Variants in DMD observed in about 807,000 individuals in gnomAD.
DMD encodes the protein dystrophin, also known as mutant dystrophin.
In DMD, 63 loss-of-function variants were observed where a neutral mutation model predicts 330.1. That is an observed-to-expected ratio of 0.19 (90% CI 0.16 to 0.24). The LOEUF (loss-of-function observed/expected upper bound fraction) is 0.24. Among genes scored for constraint, DMD ranks in the 10% least tolerant of loss-of-function variants. The pLI, the probability that DMD is intolerant of heterozygous loss-of-function variation, is 1.00. For missense variants in DMD, 3,344 were observed against 2,684.1 expected, an observed-to-expected ratio of 1.25 and a Z score of -5.43; for synonymous variants, 1,223 against 959.8, an observed-to-expected ratio of 1.27 and a Z score of -5.07.
intron 7 of DMD, among the ~76,000 whole-genome samples, chrX:32,805,772 G>C (rs1342754878): frequency 8.9e-6 from 1 of 111,845 alleles, no homozygotes; most frequent in Non-Finnish European, 1.9e-5. Flanking sequence ...AAGAGAGTAG[G>C]GGCCAATATT....
chrX:32,790,934 A>G (rs2897346), intron 7 of DMD, among the ~76,000 whole-genome samples: 24,169 of 110,437 alleles, frequency 0.22, 2,497 homozygotes, highest in East Asian at 0.64. Context: ...CAGTGGTTGC[A>G]TGCACCACCA....
At chrX:32,858,934 C>T (rs1463127735) in intron 2 of DMD, among the ~76,000 whole-genome samples, 1 of 111,257 alleles carries the variant, frequency 9.0e-6, no homozygotes, top group Non-Finnish European at 1.9e-5. Flanking sequence ...GTCTCTCACT[C>T]ACTCACTAGC....
intron 55 of DMD, among the ~76,000 whole-genome samples, chrX:31,599,259 A>C (rs767953930): frequency 8.9e-6 from 1 of 112,235 alleles, no homozygotes; most frequent in African/African-American, 3.2e-5. Flanking sequence ...TTAGTTACTT[A>C]AAATGTTTAA....
intron 7 of DMD, among the ~76,000 whole-genome samples, chrX:32,734,129 C>A (rs1410404253): frequency 9.2e-6 from 1 of 108,263 alleles, no homozygotes; most frequent in Non-Finnish European, 1.9e-5. Flanking sequence ...GAGAATACTA[C>A]AAACACCTCT....
chrX:32,829,392 C>A (rs1264158857), intron 4 of DMD, among the ~76,000 whole-genome samples: 2 of 111,117 alleles, frequency 1.8e-5, no homozygotes, highest in African/African-American at 6.5e-5. Flanking sequence ...TCAAGTTTTC[C>A]AGAATTTTGC....
chrX:31,183,126 T>A (rs2041341877), intron 67 of DMD, among the ~76,000 whole-genome samples: 1 of 103,204 alleles, frequency 9.7e-6, no homozygotes, highest in Non-Finnish European at 2.0e-5. Context: ...CTGCCATTAC[T>A]CTTTTTGGCT....
chrX:33,074,763 C>G (rs998620252), intron 1 of DMD, among the ~76,000 whole-genome samples: 1 of 111,200 alleles, frequency 9.0e-6, no homozygotes, highest in Admixed American at 9.7e-5. Flanking sequence ...CAGATGTGTC[C>G]TTTTGACCTG....
intron 18 of DMD, among the ~76,000 whole-genome samples, chrX:32,504,727 G>A (rs766892440): frequency 2.7e-5 from 3 of 111,139 alleles, no homozygotes. Flanking sequence ...TGGATATAAA[G>A]ATGGGAACAA....
chrX:31,210,668 C>G (rs2044568028), intron 64 of DMD, among the ~76,000 whole-genome samples: 1 of 111,961 alleles, frequency 8.9e-6, no homozygotes, highest in South Asian at 3.7e-4. Context: ...AAGTAAATCT[C>G]TCATGCATCT....
chrX:32,920,445 C>T (rs968486389), intron 2 of DMD, among the ~76,000 whole-genome samples: 1 of 111,054 alleles, frequency 9.0e-6, no homozygotes, highest in Non-Finnish European at 1.9e-5. Flanking sequence ...CAGTAAAAAG[C>T]CTAGGCTCCT....
At chrX:32,039,500 C>T (rs1038478557) in intron 44 of DMD, among the ~76,000 whole-genome samples, 1 of 111,235 alleles carries the variant, frequency 9.0e-6, no homozygotes, top group Non-Finnish European at 1.9e-5. Context: ...GATCCTTGTG[C>T]CCCCAAATCT....
chrX:32,507,266 C>A (rs147460224), intron 18 of DMD, among the ~76,000 whole-genome samples: 1,748 of 111,253 alleles, frequency 0.016, 14 homozygotes, highest in Middle Eastern at 0.029. Context: ...AAGTGATGTT[C>A]TTTGAGTTAC....
Position 32,362,765 on chromosome X carries a change from C to T in DMD, c.5325+23G>A, listed in dbSNP as rs751332826. ...CAAGAGACCATTTAGCACAAGTTTC[C>T]ACCTTGGAGTAGATCTTCCTACCTT... On this transcript the variant is annotated intron_variant, in intron 37 of 78. Coordinates refer to ENST00000357033, the MANE Select transcript of DMD (RefSeq NM_004006.3). 11 of 1,209,690 alleles carry T rather than the reference C, an allele frequency of 9.1e-6. No homozygotes were observed. The South Asian group carries it at 1.8e-4, about 19-fold the overall frequency.
intron 44 of DMD, among the ~76,000 whole-genome samples, chrX:32,151,066 A>T (rs1413559560): frequency 2.7e-5 from 3 of 111,815 alleles, no homozygotes; most frequent in Non-Finnish European, 5.6e-5. Context: ...AGTACATATT[A>T]CTATTATACT....
intron 47 of DMD, among the ~76,000 whole-genome samples, chrX:31,899,650 G>A (rs933608951): frequency 9.9e-5 from 11 of 110,941 alleles, no homozygotes; most frequent in African/African-American, 2.9e-4. Flanking sequence ...AAAATAGGAC[G>A]ATATACATTC....
At chrX:31,177,849 C>G in intron 71 of DMD, 83 bp downstream of exon 71, 1 of 880,815 alleles carries the variant, frequency 1.1e-6, no homozygotes, top group Non-Finnish European at 1.6e-6. Flanking sequence ...CAAAAGAAAA[C>G]AAACAAATAA....
chrX:32,335,566 C>A (rs2097702837), intron 41 of DMD, among the ~76,000 whole-genome samples: 1 of 42,582 alleles, frequency 2.3e-5, no homozygotes, highest in South Asian at 1.1e-3. Flanking sequence ...TGTTATATAA[C>A]ATGTTATATA....
At chrX:32,107,252 T>C (rs1015792877) in intron 44 of DMD, among the ~76,000 whole-genome samples, 2 of 109,296 alleles carry the variant, frequency 1.8e-5, no homozygotes, top group African/African-American at 6.7e-5. Context: ...TCTAAGGCAG[T>C]AGAAAGAGTA....
At chrX:32,343,031 G>T (rs992472830) in intron 40 of DMD, 103 bp downstream of exon 40, 6 of 844,725 alleles carry the variant, frequency 7.1e-6, no homozygotes, top group Non-Finnish European at 1.0e-5. Flanking sequence ...AAATCAAAGA[G>T]AACGTTAATA....
Sources: allele counts gnomAD v4.1 joint callset (sites outside exome capture counted in the v4.1 genomes callset), GRCh38; gene constraint gnomAD v4.1.1; transcripts MANE v1.5; gene names NCBI Gene and HGNC (gene_info 2026-07-23, HGNC 2026-07-21).